The following COL17A1 variants were observed in gnomAD, a reference collection of about 807,000 sequenced individuals.
COL17A1 encodes the protein collagen alpha-1(XVII) chain.
COL17A1 carries 181 observed loss-of-function variants against 218.4 expected under a neutral mutation model. The ratio of observed to expected loss-of-function variants is 0.83; its 90% CI spans 0.73 to 0.94. The LOEUF (loss-of-function observed/expected upper bound fraction) is 0.94, where lower values mean the gene tolerates loss of function less well. COL17A1 is among the 40% of genes least tolerant of loss of function. COL17A1 has a pLI of 0.00. For missense variants in COL17A1, 1,924 were observed against 1,945.9 expected (o/e 0.99, Z 0.21); for synonymous variants, 721 against 731.0 (o/e 0.99, Z 0.22).
Position 104,062,257 on chromosome 10 carries a change from C to T in COL17A1, c.910+1G>A, listed in dbSNP as rs1190022127. 1 of 1,614,214 alleles carries T rather than the reference C, an allele frequency of 6.2e-7. No individual in the cohort carries two copies. The highest frequency in any genetic ancestry group is 1.7e-5 in the Admixed American group (1 of 60,026). On this transcript the variant is annotated splice_donor_variant, in intron 12 of 55. Coordinates refer to ENST00000648076, the MANE Select transcript of COL17A1 (RefSeq NM_000494.4). LOFTEE classifies it high-confidence loss of function. Reference sequence around the variant, plus strand: ...CTAAGCTCCAACCCTAGCCTACTGACCTGTGGAAGTGGTGGTGGTGCCATG... The same window carrying T: ...CTAAGCTCCAACCCTAGCCTACTGATCTGTGGAAGTGGTGGTGGTGCCATG...
chr10:104,078,097 G>C (rs990170564), intron 3 of COL17A1, among the ~76,000 whole-genome samples: 1 of 152,172 alleles, frequency 6.6e-6, no homozygotes, highest in African/African-American at 2.4e-5. Flanking sequence ...CAATATTACA[G>C]GAGTGATAGG....
At position 104,043,835 on chromosome 10, in the gene COL17A1, G is replaced by A. The variant is rs760954620; in HGVS notation, c.2424C>T (p.Ile808=). ...CTAGGACCTGCCTACCCGAAGTCACGATCTTGCCTGGAGCTCCTGGTTCAC... is the reference window on the plus strand; with the variant it reads ...CTAGGACCTGCCTACCCGAAGTCACAATCTTGCCTGGAGCTCCTGGTTCAC... ...IKGEPGAPGK[I]VTSEGSSMLT... The change falls in exon 34 of 56, where the codon ATC becomes ATT. Residue 808 remains isoleucine, a synonymous_variant. Coordinates refer to ENST00000648076, the MANE Select transcript of COL17A1 (RefSeq NM_000494.4). 2.2e-5 allele frequency: 36 copies of A among 1,614,112 alleles called. 1 individual carries two copies. The highest frequency in any genetic ancestry group is 2.5e-5 in the Non-Finnish European group (29 of 1,180,022).
At chr10:104,032,534 T>C in intron 55 of COL17A1, 140 bp downstream of exon 55, 1 of 942,524 alleles carries the variant, frequency 1.1e-6, no homozygotes, top group Non-Finnish European at 1.7e-6. Flanking sequence ...CAAATTCTGC[T>C]TTTGGCAGTG....
chr10:104,034,374 C>T (rs1384061458), intron 51 of COL17A1, 40 bp from the exon 52 acceptor site: 20 of 1,531,446 alleles, frequency 1.3e-5, no homozygotes, highest in Admixed American at 5.9e-5. Flanking sequence ...GCTCAGATCT[C>T]GGTGGAGAGA....
intron 4 of COL17A1, among the ~76,000 whole-genome samples, chr10:104,076,836 TGGG>T (rs1793529795): frequency 6.6e-6 from 1 of 152,194 alleles, no homozygotes. Flanking sequence ...AGGGGCTATC[TGGG>T]TGCTTCTTGT....
intron 36 of COL17A1, 104 bp downstream of exon 36, chr10:104,042,316 C>T: frequency 7.7e-7 from 1 of 1,293,112 alleles, no homozygotes; most frequent in Non-Finnish European, 1.1e-6. Context: ...TTTTCCAAAA[C>T]ACACCTTTCA....
At chr10:104,069,115 G>C (rs1430373634) in intron 9 of COL17A1, among the ~76,000 whole-genome samples, 2 of 152,142 alleles carry the variant, frequency 1.3e-5, no homozygotes, top group African/African-American at 4.8e-5. Context: ...AAAGTAGTTA[G>C]AAAACAGACT....
rs2086608736 is a variant in COL17A1, at chr10:104,064,424, T to C, written c.766+14A>G. 1.9e-6 allele frequency: 3 copies of C among 1,613,980 alleles called. No homozygotes were observed. The East Asian group carries it at 6.7e-5, about 36-fold the overall frequency. ...TTCAGGGGTGAGAGAGGGTGTGGGC[T>C]GCCCGCCAGGTACCTGATCCCGCAG... On this transcript the variant is annotated intron_variant, in intron 10 of 55. Coordinates refer to ENST00000648076, the MANE Select transcript of COL17A1 (RefSeq NM_000494.4).
Position 104,070,589 on chromosome 10 carries a change from C to A in COL17A1, c.464-20G>T. On this transcript the variant is annotated intron_variant, in intron 8 of 55. Coordinates refer to ENST00000648076, the MANE Select transcript of COL17A1 (RefSeq NM_000494.4). ...CTGTCCCTGTGAAAGAATCCACAGA[C>A]GTTTCTGTTAAGTCCAGAGTTCTTT... The A allele has an allele frequency of 6.2e-7, 1 of 1,614,176 alleles. No homozygotes were observed. The highest frequency in any genetic ancestry group is 8.5e-7 in the Non-Finnish European group (1 of 1,180,032).
chr10:104,070,075 T>C (rs1203683622), intron 9 of COL17A1, among the ~76,000 whole-genome samples: 1 of 152,124 alleles, frequency 6.6e-6, no homozygotes, highest in Non-Finnish European at 1.5e-5. Context: ...AAAGAAGACC[T>C]GAGTATTGGA....
intron 9 of COL17A1, among the ~76,000 whole-genome samples, chr10:104,068,185 C>A (rs557742737): frequency 6.6e-6 from 1 of 152,132 alleles, no homozygotes; most frequent in South Asian, 2.1e-4. Context: ...AAATATGAAG[C>A]CATATTATTA....
chr10:104,054,512 G>T (rs2086500894), intron 20 of COL17A1, among the ~76,000 whole-genome samples: 1 of 152,086 alleles, frequency 6.6e-6, no homozygotes, highest in Admixed American at 6.6e-5. Flanking sequence ...GGGTGGCAAG[G>T]ATCTGAAGGG....
chr10:104,070,193 C>T (rs1248449295), intron 9 of COL17A1, among the ~76,000 whole-genome samples: 1 of 152,178 alleles, frequency 6.6e-6, no homozygotes, highest in Non-Finnish European at 1.5e-5. Context: ...CCTGCTGAGT[C>T]TTACATTGTG....
chr10:104,034,559 A>T, intron 51 of COL17A1, 62 bp downstream of exon 51: 1 of 1,577,170 alleles, frequency 6.3e-7, no homozygotes, highest in Non-Finnish European at 8.6e-7. Flanking sequence ...TCCCTGCCCC[A>T]CTTACAGGGA....
In COL17A1 at chr10:104,039,528, C is replaced by T. The variant is rs1220083371; in HGVS notation, c.2822-9G>A. 1.2e-6 allele frequency: 2 copies of T among 1,614,120 alleles called. No individual in the cohort carries two copies. Among genetic ancestry groups the T allele is most frequent in the African/African-American group, 2.7e-5 (2 of 75,010 alleles). On this transcript the variant is annotated splice_polypyrimidine_tract_variant and intron_variant, in intron 42 of 55. Transcript: ENST00000648076. ...TCCGAAAGAACTGGACCCTGGAAGC[C>T]AACAACACACACAGTGCAGTCAGCC... is the stretch of plus-strand genomic sequence containing the variant.
At chr10:104,039,252 A>G (rs2086333387) in intron 43 of COL17A1, 131 bp from the exon 44 acceptor site, 2 of 1,040,552 alleles carry the variant, frequency 1.9e-6, no homozygotes, top group East Asian at 5.1e-5. Context: ...TAATAATACC[A>G]CAGCTCCCTT....
chr10:104,064,396 G>A (rs766544813), intron 10 of COL17A1, 42 bp downstream of exon 10: 6 of 1,613,194 alleles, frequency 3.7e-6, no homozygotes, highest in East Asian at 4.5e-5. Flanking sequence ...GAGGCATGCC[G>A]AGTTCAGGGG....
chr10:104,075,495 AC>A (rs1223494093), intron 5 of COL17A1, among the ~76,000 whole-genome samples: 1 of 152,136 alleles, frequency 6.6e-6, no homozygotes, highest in African/African-American at 2.4e-5. Context: ...CTCCATCATT[AC>A]CAACCTGGTC....
chr10:104,054,841 C>A lies in COL17A1; in HGVS notation c.1744+140G>T, dbSNP rs183391034. ...AGCCAAAGGTCCCTGGGATTGGAAA[C>A]CTCTCCTCCTCACACACCTGTCCCA... On this transcript the variant is annotated intron_variant, in intron 20 of 55. Transcript: ENST00000648076. 456 of 1,367,748 alleles carry A rather than the reference C, an allele frequency of 3.3e-4. 1 individual carries two copies. The African/African-American group carries it at 5.9e-3, about 18-fold the overall frequency. 84.7% of individuals were successfully genotyped at this position (1,367,748 alleles called of 1,614,324 possible). A position where few individuals can be genotyped will look rare whatever the true frequency, so the allele number is the denominator to read the frequency against.
Sources: allele counts gnomAD v4.1 joint callset (sites outside exome capture counted in the v4.1 genomes callset), GRCh38; gene constraint gnomAD v4.1.1; transcripts MANE v1.5; gene names NCBI Gene and HGNC (gene_info 2026-07-23, HGNC 2026-07-21).